Variants in PABPC4L observed in about 807,000 individuals in gnomAD.
PABPC4L encodes polyadenylate-binding protein 4-like.
For synonymous variants in PABPC4L, 169 were observed against 164.1 expected (o/e 1.03, Z -0.23); for missense variants, 452 against 451.4 (o/e 1.00, Z -0.01).
the PABPC4L span, among the ~76,000 whole-genome samples, chr4:134,168,248 G>T: frequency 6.6e-6 from 1 of 151,862 alleles, no homozygotes; most frequent in Non-Finnish European, 1.5e-5. Context: ...AACACAGCAT[G>T]CCCAAATCTA....
At chr4:134,175,085 A>C in the PABPC4L span, among the ~76,000 whole-genome samples, 1 of 152,202 alleles carries the variant, frequency 6.6e-6, no homozygotes, top group Admixed American at 6.5e-5. Flanking sequence ...AGCAAGAGGT[A>C]AGATCAGATC....
the PABPC4L span, among the ~76,000 whole-genome samples, chr4:133,978,443 A>T: frequency 2.0e-5 from 3 of 152,236 alleles, no homozygotes; most frequent in East Asian, 5.8e-4. Context: ...CTTCATCTCT[A>T]CAAATAATAA....
At chr4:134,163,347 G>A in the PABPC4L span, among the ~76,000 whole-genome samples, 2 of 152,160 alleles carry the variant, frequency 1.3e-5, no homozygotes, top group Non-Finnish European at 1.5e-5. Flanking sequence ...AATAAGCAGT[G>A]AGACTGAATC....
the PABPC4L span, among the ~76,000 whole-genome samples, chr4:134,069,788 T>C: frequency 1.7e-3 from 263 of 152,270 alleles, 1 homozygote; most frequent in Non-Finnish European, 2.5e-3. Context: ...ATAATCTTTA[T>C]TTCTGTCCAT....
chr4:134,060,707 A>T, the PABPC4L span, among the ~76,000 whole-genome samples: 1 of 151,948 alleles, frequency 6.6e-6, no homozygotes, highest in Non-Finnish European at 1.5e-5. Flanking sequence ...ATCTAGGTAT[A>T]TGGTACATAT....
the PABPC4L span, among the ~76,000 whole-genome samples, chr4:134,165,391 A>G: frequency 2.0e-5 from 3 of 152,290 alleles, no homozygotes; most frequent in African/African-American, 4.8e-5. Flanking sequence ...GCATCCAACA[A>G]AGGTCTAGTA....
the PABPC4L span, among the ~76,000 whole-genome samples, chr4:134,052,565 A>C: frequency 6.6e-6 from 1 of 152,050 alleles, no homozygotes; most frequent in Admixed American, 6.6e-5. Flanking sequence ...TTCCTATATA[A>C]GTAATCTCTT....
the PABPC4L span, among the ~76,000 whole-genome samples, chr4:134,108,172 T>G: frequency 6.6e-6 from 1 of 151,726 alleles, no homozygotes; most frequent in Admixed American, 6.6e-5. Flanking sequence ...CATATGCACA[T>G]GTACACATAT....
At chr4:134,057,199 C>T in the PABPC4L span, among the ~76,000 whole-genome samples, 2 of 152,064 alleles carry the variant, frequency 1.3e-5, no homozygotes, top group Non-Finnish European at 2.9e-5. Flanking sequence ...TCCAGTGACA[C>T]TAATGTTATA....
At chr4:134,157,722 A>T in the PABPC4L span, among the ~76,000 whole-genome samples, 1 of 152,014 alleles carries the variant, frequency 6.6e-6, no homozygotes, top group East Asian at 1.9e-4. Context: ...TTTGAGTAGT[A>T]CATATCAGTG....
chr4:134,171,969 A>G, the PABPC4L span, among the ~76,000 whole-genome samples: 1 of 152,096 alleles, frequency 6.6e-6, no homozygotes, highest in Non-Finnish European at 1.5e-5. Context: ...GGGGCATGAA[A>G]TATCTCTACA....
At chr4:134,128,256 G>A in the PABPC4L span, among the ~76,000 whole-genome samples, 3 of 152,300 alleles carry the variant, frequency 2.0e-5, no homozygotes, top group South Asian at 2.1e-4. Context: ...AATTGTGGAA[G>A]CCTTCCCTGG....
the PABPC4L span, among the ~76,000 whole-genome samples, chr4:134,118,487 G>T: frequency 6.6e-6 from 1 of 151,740 alleles, no homozygotes; most frequent in Non-Finnish European, 1.5e-5. Context: ...TGGAGTGATT[G>T]ACAGTCTAAG....
At chr4:134,133,686 G>A in the PABPC4L span, among the ~76,000 whole-genome samples, 7 of 151,810 alleles carry the variant, frequency 4.6e-5, no homozygotes, top group South Asian at 4.2e-4. Flanking sequence ...GGGTCTCTGC[G>A]GAAAGGGTGG....
At chr4:134,009,739 G>A in the PABPC4L span, among the ~76,000 whole-genome samples, 1 of 151,892 alleles carries the variant, frequency 6.6e-6, no homozygotes, top group Non-Finnish European at 1.5e-5. Context: ...ATCTTCCTCT[G>A]AAGGCTATGT....
chr4:134,184,480 G>T, the PABPC4L span, among the ~76,000 whole-genome samples: 1 of 152,008 alleles, frequency 6.6e-6, no homozygotes, highest in Non-Finnish European at 1.5e-5. Flanking sequence ...ATGTCATATA[G>T]TTGGAATTAT....
chr4:134,172,250 C>T, the PABPC4L span, among the ~76,000 whole-genome samples: 1 of 151,962 alleles, frequency 6.6e-6, no homozygotes, highest in Admixed American at 6.6e-5. Flanking sequence ...GACAGCACGT[C>T]ACCCAATTTC....
At chr4:134,032,834 T>A in the PABPC4L span, among the ~76,000 whole-genome samples, 530 of 151,910 alleles carry the variant, frequency 3.5e-3, 15 homozygotes, top group East Asian at 0.089. Context: ...AAGATAATAC[T>A]TACTTTATTA....
the PABPC4L span, among the ~76,000 whole-genome samples, chr4:134,162,809 A>T: frequency 1.3e-5 from 2 of 152,128 alleles, no homozygotes; most frequent in African/African-American, 4.8e-5. Context: ...AAATTTTTCA[A>T]AATGAATATT....
Sources: allele counts gnomAD v4.1 joint callset (sites outside exome capture counted in the v4.1 genomes callset), GRCh38; gene constraint gnomAD v4.1.1; transcripts MANE v1.5; gene names NCBI Gene and HGNC (gene_info 2026-07-23, HGNC 2026-07-21).